Variants in ODF1 observed in about 807,000 individuals in gnomAD.
The protein encoded by ODF1 is outer dense fiber of sperm tails 1.
In ODF1, 10 loss-of-function variants were observed where a neutral mutation model predicts 24.0. The ratio of observed to expected loss-of-function variants is 0.42; its 90% confidence interval spans 0.26 to 0.71. ODF1 has a LOEUF of 0.71. Among genes scored for constraint, ODF1 ranks in the 30% least tolerant of loss-of-function variants. The pLI is 0.28. For missense variants in ODF1, 282 were observed against 307.9 expected, an observed-to-expected ratio of 0.92 and a Z score of 0.63; for synonymous variants, 118 against 121.3, an observed-to-expected ratio of 0.97 and a Z score of 0.18.
intron 1 of ODF1, among the ~76,000 whole-genome samples, chr8:102,553,299 C>T (rs1826070550): frequency 6.7e-6 from 1 of 149,912 alleles, no homozygotes; most frequent in Non-Finnish European, 1.5e-5. Context: ...ATCACTTGAA[C>T]CCAGGAGGCA....
At chr8:102,559,534 T>C (rs777432531) in intron 1 of ODF1, among the ~76,000 whole-genome samples, 2 of 151,656 alleles carry the variant, frequency 1.3e-5, no homozygotes, top group Non-Finnish European at 2.9e-5. Flanking sequence ...CGGGAAGAGA[T>C]GTACACGATC....
chr8:102,556,883 G>A (rs1163175172), intron 1 of ODF1, among the ~76,000 whole-genome samples: 1 of 152,184 alleles, frequency 6.6e-6, no homozygotes, highest in Non-Finnish European at 1.5e-5. Flanking sequence ...CCTAGAGGAA[G>A]GCCTGCCCCA....
chr8:102,560,865 G>A lies in ODF1; in HGVS notation c.734G>A (p.Cys245Tyr). Residue 245 changes from cysteine (C) to tyrosine (Y), a missense_variant, in exon 2 of 2, where the codon TGT becomes TAT. Transcript: ENST00000285402. ...PCYPCGSRFS[C>Y]RKMIL ...TATCCCTGTGGAAGCCGATTTTCCT[G>A]TAGGAAGATGATTTTGTAAAGTGCG... 1 of 1,611,038 alleles carries A rather than the reference G, an allele frequency of 6.2e-7. No individual in the cohort carries two copies.
At chr8:102,558,137 G>T (rs973467727) in intron 1 of ODF1, among the ~76,000 whole-genome samples, 1 of 152,158 alleles carries the variant, frequency 6.6e-6, no homozygotes, top group Non-Finnish European at 1.5e-5. Context: ...CCACCCCCAG[G>T]TTTCATGGGG....
At position 102,551,869 on chromosome 8, in the gene ODF1, G is replaced by GC; in HGVS notation, c.142_143insC (p.Asp48AlafsTer22). ...GTATATGCACCCCTATTGCTGCTGT[G>GC]ACTTGCACCCATATCCGTACTGCTT... is the stretch of plus-strand genomic sequence containing the variant. On this transcript the variant is annotated frameshift_variant, in exon 1 of 2. Transcript: ENST00000285402. LOFTEE classifies it high-confidence loss of function. 1 of 1,614,124 alleles carries GC rather than the reference G, an allele frequency of 6.2e-7. No individual in the cohort carries two copies. Among genetic ancestry groups the GC allele is most frequent in the South Asian group, 1.1e-5 (1 of 91,080 alleles).
In ODF1 at chr8:102,560,745, G is replaced by A. The variant is rs1826170298; in HGVS notation, c.614G>A (p.Cys205Tyr). ...AAGATCGAGTCTCCTTGCTACCCTT[G>A]CACTTCTCCTTGCAGCCCCTGCAGC... The part of the protein sequence containing the change: ...CVKIESPCYP[C>Y]TSPCSPCSPC... Residue 205 changes from cysteine to tyrosine, a missense_variant, in exon 2 of 2, where the codon TGC (cysteine) becomes TAC (tyrosine). Cys to Tyr is a radical substitution (Grantham distance 194). Transcript: ENST00000285402. 2 of 1,613,636 alleles carry A rather than the reference G, an allele frequency of 1.2e-6. No homozygotes were observed. Among genetic ancestry groups the A allele is most frequent in the Non-Finnish European group, 1.7e-6 (2 of 1,179,920 alleles).
chr8:102,556,944 C>T (rs934247759), intron 1 of ODF1, among the ~76,000 whole-genome samples: 27 of 152,332 alleles, frequency 1.8e-4, no homozygotes, highest in African/African-American at 6.0e-4. Flanking sequence ...TTACTTTATT[C>T]ATGACCGGGT....
chr8:102,558,494 C>T (rs1826139722), intron 1 of ODF1, among the ~76,000 whole-genome samples: 1 of 152,112 alleles, frequency 6.6e-6, no homozygotes, highest in African/African-American at 2.4e-5. Context: ...GGACTGAATA[C>T]AGTCCTCTGG....
intron 1 of ODF1, among the ~76,000 whole-genome samples, chr8:102,554,142 C>T (rs566645101): frequency 6.6e-6 from 1 of 152,286 alleles, no homozygotes; most frequent in South Asian, 2.1e-4. Flanking sequence ...AATGTTAAAC[C>T]CTGATTCTAG....
chr8:102,560,265 G>A lies in ODF1; in HGVS notation c.321-187G>A, dbSNP rs537988261. ...ATTGTTAACAGCTGTGTACTTGCGG[G>A]GCAGTGTGATTCGCATGGGTGGACT... On this transcript the variant is annotated intron_variant, in intron 1 of 1. Coordinates refer to ENST00000285402, the MANE Select transcript of ODF1 (RefSeq NM_024410.4). 1.7e-3 allele frequency among the ~76,000 whole-genome samples: 245 copies of A among 147,484 alleles called. 4 individuals carry two copies. Among genetic ancestry groups the A allele is most frequent in the Non-Finnish European group, 2.9e-3 (200 of 68,004 alleles).
At chr8:102,558,631 A>C (rs1826141763) in intron 1 of ODF1, among the ~76,000 whole-genome samples, 1 of 152,084 alleles carries the variant, frequency 6.6e-6, no homozygotes, top group Non-Finnish European at 1.5e-5. Flanking sequence ...TGAGCACTCA[A>C]ACTGTTATCT....
intron 1 of ODF1, among the ~76,000 whole-genome samples, chr8:102,559,937 T>C (rs1481731786): frequency 6.6e-6 from 1 of 150,660 alleles, no homozygotes; most frequent in Non-Finnish European, 1.5e-5. Flanking sequence ...AATTTTTATA[T>C]AATTTAATTA....
In ODF1 at chr8:102,560,550, A is replaced by G. The variant is rs754890925; in HGVS notation, c.419A>G (p.Lys140Arg). 2.5e-6 allele frequency: 4 copies of G among 1,614,074 alleles called. No individual in the cohort carries two copies. Among genetic ancestry groups the G allele is most frequent in the Non-Finnish European group, 3.4e-6 (4 of 1,180,052 alleles). Residue 140 changes from lysine to arginine, a missense_variant, in exon 2 of 2, where the codon AAA (lysine) becomes AGA (arginine). Lys to Arg is a conservative substitution (Grantham distance 26, BLOSUM62 2). Coordinates refer to ENST00000285402, the MANE Select transcript of ODF1 (RefSeq NM_024410.4). ...TGCGGTTTTGAACCCGATCAAGTCA[A>G]AGTTCGAGTGAAGGATGGAAAGGTA... ...NVCGFEPDQV[K>R]VRVKDGKVCV...
intron 1 of ODF1, among the ~76,000 whole-genome samples, chr8:102,553,753 T>C (rs1826077841): frequency 2.0e-5 from 3 of 152,258 alleles, no homozygotes; most frequent in African/African-American, 7.2e-5. Flanking sequence ...TTGATGCCTC[T>C]TTCAGAAGCC....
chr8:102,556,786 G>C (rs1214928238), intron 1 of ODF1, among the ~76,000 whole-genome samples: 1 of 152,206 alleles, frequency 6.6e-6, no homozygotes, highest in East Asian at 1.9e-4. Flanking sequence ...GAAGGAAAAA[G>C]ATGTGTTGGA....
In ODF1 at chr8:102,560,742, C is replaced by G. The variant is rs1401776976; in HGVS notation, c.611C>G (p.Pro204Arg). Reference protein sequence around the residue: ...SCVKIESPCYPCTSPCSPCSP... With the variant: ...SCVKIESPCYRCTSPCSPCSP... ...GTCAAGATCGAGTCTCCTTGCTACC[C>G]TTGCACTTCTCCTTGCAGCCCCTGC... The change falls in exon 2 of 2, where the codon CCT (proline) becomes CGT (arginine). Residue 204 changes from proline (P) to arginine (R), a missense_variant. Pro to Arg is a moderately radical substitution (Grantham distance 103). Coordinates refer to ENST00000285402, the MANE Select transcript of ODF1 (RefSeq NM_024410.4). 1 of 1,613,862 alleles carries G rather than the reference C, an allele frequency of 6.2e-7. No homozygotes were observed. The highest frequency in any genetic ancestry group is 1.7e-5 in the Admixed American group (1 of 59,978).
At chr8:102,557,907 C>A (rs890660696) in intron 1 of ODF1, among the ~76,000 whole-genome samples, 2 of 152,232 alleles carry the variant, frequency 1.3e-5, no homozygotes, top group African/African-American at 4.8e-5. Context: ...TGGCTTTAAG[C>A]CTGTAATCTA....
At chr8:102,553,556 G>A (rs1186488502) in intron 1 of ODF1, among the ~76,000 whole-genome samples, 2 of 152,096 alleles carry the variant, frequency 1.3e-5, no homozygotes, top group African/African-American at 2.4e-5. Flanking sequence ...GTGAGGCAGG[G>A]ACTCTTTTTA....
intron 1 of ODF1, among the ~76,000 whole-genome samples, chr8:102,552,359 AAGC>A (rs140513506): frequency 0.077 from 11,788 of 152,144 alleles, 480 homozygotes; most frequent in Non-Finnish European, 0.095. Context: ...AAGCCATTGG[AAGC>A]AGCAAACTAA....
Sources: allele counts gnomAD v4.1 joint callset (sites outside exome capture counted in the v4.1 genomes callset), GRCh38; gene constraint gnomAD v4.1.1; transcripts MANE v1.5; gene names NCBI Gene and HGNC (gene_info 2026-07-23, HGNC 2026-07-21).